CABIN1: variants seen among roughly 807,000 people sequenced by gnomAD.
CABIN1 encodes the protein calcineurin-binding protein cabin-1.
Under a neutral mutation model 227.7 loss-of-function variants are expected in CABIN1, and 133 were observed. The observed-to-expected ratio is 0.58, with a 90% CI of 0.51 to 0.67. The LOEUF (loss-of-function observed/expected upper bound fraction) is 0.67, where lower values mean the gene tolerates loss of function less well. Among genes scored for constraint, CABIN1 ranks in the 30% least tolerant of loss-of-function variants. CABIN1 has a pLI of 0.00. For synonymous variants in CABIN1, 1,086 were observed against 1,155.1 expected, an observed-to-expected ratio of 0.94 and a Z score of 1.21; for missense variants, 2,408 against 2,852.5, an observed-to-expected ratio of 0.84 and a Z score of 3.55.
intron 1 of CABIN1, among the ~76,000 whole-genome samples, chr22:24,021,173 TTTTATTTA>T (rs898942531): frequency 2.0e-5 from 3 of 151,582 alleles, no homozygotes; most frequent in East Asian, 1.9e-4. Context: ...CTAATTTTTA[TTTTATTTA>T]TTTATTTATT....
intron 29 of CABIN1, among the ~76,000 whole-genome samples, chr22:24,153,926 T>G (rs1296056715): frequency 3.3e-5 from 5 of 152,176 alleles, no homozygotes; most frequent in Non-Finnish European, 7.4e-5. Flanking sequence ...GCCCAGCCCA[T>G]TCTGAGCCTC....
intron 31 of CABIN1, among the ~76,000 whole-genome samples, chr22:24,166,110 G>T (rs1287142172): frequency 2.0e-5 from 3 of 152,234 alleles, no homozygotes; most frequent in Non-Finnish European, 4.4e-5. Context: ...CAAAGCTTAT[G>T]CCTGGTAGGG....
chr22:24,019,116 T>G, intron 1 of CABIN1, among the ~76,000 whole-genome samples: 1 of 136,298 alleles, frequency 7.3e-6, no homozygotes, highest in South Asian at 2.3e-4. Flanking sequence ...CTTCACTGAG[T>G]GTTGTTTTTT....
chr22:24,023,997 T>G (rs886431883), intron 1 of CABIN1, among the ~76,000 whole-genome samples: 1 of 152,206 alleles, frequency 6.6e-6, no homozygotes, highest in Non-Finnish European at 1.5e-5. Flanking sequence ...CCTCCCAAAG[T>G]GCTAGGATTA....
At chr22:24,030,070 G>T (rs2036388576) in intron 1 of CABIN1, among the ~76,000 whole-genome samples, 1 of 152,206 alleles carries the variant, frequency 6.6e-6, no homozygotes. Context: ...TTTTATTAGA[G>T]AATTGGAAAT....
intron 24 of CABIN1, 104 bp from the exon 25 acceptor site, chr22:24,095,827 C>T: frequency 8.2e-7 from 1 of 1,224,254 alleles, no homozygotes; most frequent in Non-Finnish European, 1.2e-6. Context: ...GTGTGGCAGC[C>T]TGTTGCCCTG....
chr22:24,039,058 C>G (rs529920431), intron 4 of CABIN1, among the ~76,000 whole-genome samples: 1 of 152,144 alleles, frequency 6.6e-6, no homozygotes, highest in Admixed American at 6.5e-5. Flanking sequence ...AGTTAATCCT[C>G]GAGTTGACTG....
chr22:24,087,844 T>A (rs1468971037), intron 23 of CABIN1, 131 bp downstream of exon 23: 1 of 1,220,832 alleles, frequency 8.2e-7, no homozygotes, highest in East Asian at 2.5e-5. Context: ...CACTGACGAA[T>A]CTCCCCATGA....
intron 28 of CABIN1, among the ~76,000 whole-genome samples, chr22:24,132,974 T>A (rs1475604293): frequency 6.6e-6 from 1 of 152,220 alleles, no homozygotes; most frequent in Non-Finnish European, 1.5e-5. Context: ...GGTATTTTAC[T>A]GTTTTCTGTG....
chr22:24,011,440 G>T (rs1400777376), intron 1 of CABIN1, 73 bp downstream of exon 1: 1 of 152,558 alleles, frequency 6.6e-6, no homozygotes, highest in Non-Finnish European at 1.5e-5. Flanking sequence ...CGGGGCACAG[G>T]CCGGAGGGGC....
At position 24,085,592 on chromosome 22, in the gene CABIN1, C is replaced by G. The variant is rs188449074; in HGVS notation, c.3263+441C>G. 1.4e-4 allele frequency among the ~76,000 whole-genome samples: 21 copies of G among 152,252 alleles called. No homozygotes were observed. In the East Asian group the frequency reaches 3.9e-3, roughly 28 times the overall value. ...ATAGAAAAACTCAAGCCAGAGTTCT[C>G]TTTTTTGCTCTGATGCAGTGCACTG... On this transcript the variant is annotated intron_variant, in intron 22 of 36. Coordinates refer to ENST00000263119, the MANE Select transcript of CABIN1 (RefSeq NM_012295.4).
chr22:24,155,240 C>T (rs931726459), intron 29 of CABIN1, among the ~76,000 whole-genome samples: 12 of 152,142 alleles, frequency 7.9e-5, no homozygotes, highest in African/African-American at 2.2e-4. Flanking sequence ...ATTGGCCAGA[C>T]GCTGTGAGTG....
chr22:24,166,426 A>C (rs2046450942), intron 31 of CABIN1, among the ~76,000 whole-genome samples: 7 of 152,174 alleles, frequency 4.6e-5, no homozygotes, highest in Admixed American at 4.6e-4. Context: ...GGGTAGCCAG[A>C]GGTGCAGAGG....
chr22:24,135,736 C>G (rs2044356482), intron 29 of CABIN1, among the ~76,000 whole-genome samples: 1 of 152,236 alleles, frequency 6.6e-6, no homozygotes. Context: ...TTGATTCCCT[C>G]TTACTCATGG....
chr22:24,057,055 G>T (rs2038854530), intron 10 of CABIN1, among the ~76,000 whole-genome samples: 1 of 152,070 alleles, frequency 6.6e-6, no homozygotes, highest in African/African-American at 2.4e-5. Flanking sequence ...TCCTGCCTCA[G>T]CCTCACGCAT....
chr22:24,178,042 C>G lies in CABIN1; in HGVS notation c.6520-11C>G, dbSNP rs765285884. On this transcript the variant is annotated splice_polypyrimidine_tract_variant and intron_variant, in intron 36 of 36. Transcript: ENST00000263119. ...ATCCTTGACCAGTGCCCCGCCCGGC[C>G]CTCTCCGCAGTCAGCCATCCTTTCT... 6.2e-7 allele frequency: 1 copy of G among 1,613,404 alleles called. No individual in the cohort carries two copies.
At chr22:24,164,769 A>G (rs1179141664) in intron 30 of CABIN1, among the ~76,000 whole-genome samples, 2 of 152,064 alleles carry the variant, frequency 1.3e-5, no homozygotes, top group Admixed American at 6.5e-5. Flanking sequence ...CCTAGGGCAG[A>G]CACAGCCTGT....
intron 13 of CABIN1, 29 bp from the exon 14 acceptor site, chr22:24,062,930 A>T: frequency 6.2e-7 from 1 of 1,608,068 alleles, no homozygotes; most frequent in Non-Finnish European, 8.5e-7. Context: ...CTACACATGA[A>T]GTTGACTCGT....
intron 8 of CABIN1, 54 bp from the exon 9 acceptor site, chr22:24,054,819 T>G (rs2038656489): frequency 6.2e-7 from 1 of 1,612,262 alleles, no homozygotes. Flanking sequence ...CCACTATGCT[T>G]GGAGTATTCC....
Sources: allele counts gnomAD v4.1 joint callset (sites outside exome capture counted in the v4.1 genomes callset), GRCh38; gene constraint gnomAD v4.1.1; transcripts MANE v1.5; gene names NCBI Gene and HGNC (gene_info 2026-07-23, HGNC 2026-07-21).